Variants in CFAP77 observed in about 807,000 individuals in gnomAD.
CFAP77 encodes the protein cilia and flagella associated protein 77, also known as cilia- and flagella-associated protein 77.
Under a neutral mutation model 31.1 loss-of-function variants are expected in CFAP77, and 25 were observed. The ratio of observed to expected loss-of-function variants is 0.80; its 90% CI spans 0.59 to 1.12. The LOEUF (loss-of-function observed/expected upper bound fraction) is 1.12, where lower values mean the gene tolerates loss of function less well. Ranked by LOEUF, CFAP77 falls within the 50% of genes most tolerant of loss-of-function variation. CFAP77 has a pLI of 0.00. For synonymous variants in CFAP77, 151 were observed against 159.9 expected, an observed-to-expected ratio of 0.94 and a Z score of 0.42; for missense variants, 377 against 397.3, an observed-to-expected ratio of 0.95 and a Z score of 0.44.
chr9:132,525,012 T>C (rs568626461), intron 3 of CFAP77, among the ~76,000 whole-genome samples: 4 of 138,064 alleles, frequency 2.9e-5, no homozygotes, highest in African/African-American at 1.1e-4. Context: ...TACCTCTTTA[T>C]GTGATAGTAA....
chr9:132,415,008 A>T (rs1850072113), intron 1 of CFAP77, among the ~76,000 whole-genome samples: 1 of 152,226 alleles, frequency 6.6e-6, no homozygotes, highest in South Asian at 2.1e-4. Flanking sequence ...CAAATATCCC[A>T]GCATGGGTCA....
At chr9:132,561,648 CA>C (rs1589927278) in intron 5 of CFAP77, among the ~76,000 whole-genome samples, 7 of 106,086 alleles carry the variant, frequency 6.6e-5, no homozygotes, top group East Asian at 4.3e-4. Flanking sequence ...CACACACACA[CA>C]CACACACACA....
intron 3 of CFAP77, among the ~76,000 whole-genome samples, chr9:132,514,829 C>G (rs774767421): frequency 6.6e-6 from 1 of 152,170 alleles, no homozygotes; most frequent in Non-Finnish European, 1.5e-5. Context: ...GGGAGACAGG[C>G]GGGGCCTCAG....
chr9:132,414,084 G>A lies in CFAP77; in HGVS notation c.195+3618G>A, dbSNP rs1355611702. Among the ~76,000 whole-genome samples the A allele has an allele frequency of 2.0e-5, 3 of 152,178 alleles. No homozygotes were observed. In the South Asian group the frequency reaches 6.2e-4, roughly 31 times the overall value. Reference sequence around the variant, plus strand: ...AAGGTCTCCTGGCTTCCAGCCCCACGTTCTTTTGGCCACAACATATGATTA... The same window carrying A: ...AAGGTCTCCTGGCTTCCAGCCCCACATTCTTTTGGCCACAACATATGATTA... On this transcript the variant is annotated intron_variant, in intron 1 of 5. Transcript: ENST00000393216.
At chr9:132,453,030 C>T (rs1416017770) in intron 1 of CFAP77, among the ~76,000 whole-genome samples, 1 of 152,166 alleles carries the variant, frequency 6.6e-6, no homozygotes, top group Non-Finnish European at 1.5e-5. Flanking sequence ...ATGGTGTGTG[C>T]TCAGTCAACA....
At chr9:132,513,161 T>A in intron 3 of CFAP77, 1 of 1,291,510 alleles carries the variant, frequency 7.7e-7, no homozygotes, top group Non-Finnish European at 1.1e-6. Context: ...ACAATCCAAT[T>A]CTACTCTTAG....
intron 3 of CFAP77, among the ~76,000 whole-genome samples, chr9:132,514,037 G>A (rs527942272): frequency 1.6e-5 from 2 of 126,068 alleles, no homozygotes; most frequent in Non-Finnish European, 3.5e-5. Flanking sequence ...ACGGGTGACA[G>A]TGAGGAGATC....
At chr9:132,420,374 T>C (rs905247965) in intron 1 of CFAP77, among the ~76,000 whole-genome samples, 7 of 151,522 alleles carry the variant, frequency 4.6e-5, no homozygotes, top group African/African-American at 1.7e-4. Flanking sequence ...CAAGGTGTTT[T>C]CAGCAAGAAT....
At chr9:132,457,020 C>T (rs1033969449) in intron 1 of CFAP77, among the ~76,000 whole-genome samples, 6 of 152,166 alleles carry the variant, frequency 3.9e-5, no homozygotes, top group Admixed American at 1.3e-4. Context: ...GCTGGGATTA[C>T]AGGCACCTGG....
rs78368564 is a variant in CFAP77, at chr9:132,554,928, C to G, written c.732+11881C>G. Among the ~76,000 whole-genome samples, 8,363 of 130,426 alleles carry G rather than the reference C, an allele frequency of 0.064. 595 individuals carry two copies. Among genetic ancestry groups the G allele is most frequent in the African/African-American group, 0.19 (6,389 of 33,676 alleles). The allele number at this position is 130,426 out of a possible 152,430, so 85.6% of individuals were successfully genotyped here. ...TCCATCTATGCATGCATGCATGCATCCATCCATCCACCCATCCATCCATCC... is the reference window on the plus strand; with the variant it reads ...TCCATCTATGCATGCATGCATGCATGCATCCATCCACCCATCCATCCATCC... On this transcript the variant is annotated intron_variant, in intron 5 of 5. Coordinates refer to ENST00000393216, the MANE Select transcript of CFAP77 (RefSeq NM_001282957.2). The surrounding 1 kb of genome is among the most constrained non-coding windows in gnomAD (Gnocchi z 4.1).
At position 132,572,374 on chromosome 9, in the gene CFAP77, C is replaced by T; in HGVS notation, c.733-14C>T. 7 of 1,611,896 alleles carry T rather than the reference C, an allele frequency of 4.3e-6. No homozygotes were observed. Among genetic ancestry groups the T allele is most frequent in the Non-Finnish European group, 5.9e-6 (7 of 1,179,062 alleles). ...GTCTCCCCTCACCCACCCACTCTTC[C>T]CTTCTATCCACAGGTGGGCCGCCAC... On this transcript the variant is annotated splice_polypyrimidine_tract_variant and intron_variant, in intron 5 of 5. Transcript: ENST00000393216.
intron 3 of CFAP77, among the ~76,000 whole-genome samples, chr9:132,531,711 C>G (rs552821233): frequency 3.9e-5 from 6 of 152,158 alleles, no homozygotes; most frequent in Admixed American, 2.0e-4. Flanking sequence ...AAACCAGCTT[C>G]TCCACCTTTG....
intron 1 of CFAP77, among the ~76,000 whole-genome samples, chr9:132,447,976 C>A (rs890029309): frequency 6.6e-6 from 1 of 152,084 alleles, no homozygotes; most frequent in East Asian, 1.9e-4. Context: ...GGGGAGGTAC[C>A]CATTGGTAAT....
intron 1 of CFAP77, among the ~76,000 whole-genome samples, chr9:132,457,616 T>C (rs1051059006): frequency 3.3e-5 from 5 of 152,194 alleles, no homozygotes; most frequent in African/African-American, 1.2e-4. Flanking sequence ...ACTCTCGCCT[T>C]GTTGCTGGAA....
At chr9:132,518,985 T>A (rs1452681543) in intron 3 of CFAP77, among the ~76,000 whole-genome samples, 2 of 152,160 alleles carry the variant, frequency 1.3e-5, no homozygotes, top group Non-Finnish European at 2.9e-5. Context: ...ATCTGTAAAG[T>A]GAGGATATTG....
intron 1 of CFAP77, among the ~76,000 whole-genome samples, chr9:132,448,962 T>C (rs1244536940): frequency 6.6e-6 from 1 of 152,048 alleles, no homozygotes; most frequent in Non-Finnish European, 1.5e-5. Flanking sequence ...CTAGAATAAT[T>C]GGGAGATAGG....
intron 1 of CFAP77, among the ~76,000 whole-genome samples, chr9:132,435,323 G>A (rs1325141581): frequency 6.6e-6 from 1 of 152,028 alleles, no homozygotes; most frequent in Non-Finnish European, 1.5e-5. Flanking sequence ...TTCCATTTTG[G>A]GGTTCTAAGA....
chr9:132,415,516 A>G (rs963239120), intron 1 of CFAP77, among the ~76,000 whole-genome samples: 1 of 152,190 alleles, frequency 6.6e-6, no homozygotes, highest in African/African-American at 2.4e-5. Context: ...TGAAGCGTTA[A>G]TTAAGCGCAG....
rs114194348 is a variant in CFAP77 at position 132,420,218 on chromosome 9, C to G, written c.195+9752C>G. Reference sequence around the variant, plus strand: ...GAGAGGCCAGAATGCCACGTTTAAGCGTTGAGGCAGGAGCAGTATTGGGGC... The same window carrying G: ...GAGAGGCCAGAATGCCACGTTTAAGGGTTGAGGCAGGAGCAGTATTGGGGC... On this transcript the variant is annotated intron_variant, in intron 1 of 5. Transcript: ENST00000393216. 5.2e-3 allele frequency among the ~76,000 whole-genome samples: 771 copies of G among 149,224 alleles called. 4 individuals are homozygous for G. The highest frequency in any genetic ancestry group is 0.017 in the African/African-American group (689 of 40,670).
Sources: allele counts gnomAD v4.1 joint callset (sites outside exome capture counted in the v4.1 genomes callset), GRCh38; gene constraint gnomAD v4.1.1; non-coding constraint Gnocchi (gnomAD v3.1); transcripts MANE v1.5; gene names NCBI Gene and HGNC (gene_info 2026-07-23, HGNC 2026-07-21).